INPP4B: variants seen among roughly 807,000 people sequenced by gnomAD.
The protein encoded by INPP4B is inositol polyphosphate 4-phosphatase type II.
In INPP4B, 55 loss-of-function variants were observed where a neutral mutation model predicts 122.5. The observed-to-expected ratio is 0.45, with a 90% CI of 0.36 to 0.56. The LOEUF is 0.56. Ranked by LOEUF, INPP4B falls within the 20% of genes least tolerant of loss-of-function variation. The pLI is 0.00. For synonymous variants in INPP4B, 403 were observed against 388.7 expected (o/e 1.04, Z -0.43); for missense variants, 1,000 against 1,097.7 (o/e 0.91, Z 1.26).
chr4:142,612,096 C>T (rs1742666702), intron 2 of INPP4B, among the ~76,000 whole-genome samples: 3 of 152,084 alleles, frequency 2.0e-5, no homozygotes. Context: ...ATGGTGATCA[C>T]CCCTCTTCCA....
intron 1 of INPP4B, among the ~76,000 whole-genome samples, chr4:142,762,703 T>C (rs1454005439): frequency 2.0e-5 from 3 of 152,150 alleles, no homozygotes; most frequent in Admixed American, 6.5e-5. Flanking sequence ...TGGTGTGGTG[T>C]GTGTGCCATA....
chr4:142,305,627 G>T, intron 8 of INPP4B, 90 bp from the exon 9 acceptor site: 1 of 1,514,180 alleles, frequency 6.6e-7, no homozygotes, highest in South Asian at 1.2e-5. Context: ...GTCTTTAGAA[G>T]AATGAAATAT....
intron 17 of INPP4B, among the ~76,000 whole-genome samples, chr4:142,149,112 T>C (rs938920866): frequency 6.6e-6 from 1 of 152,206 alleles, no homozygotes; most frequent in Non-Finnish European, 1.5e-5. Context: ...TATTACTACT[T>C]AGTAGCAGTT....
intron 2 of INPP4B, among the ~76,000 whole-genome samples, chr4:142,620,913 ATTGTGTTGGTGGT>A (rs1198100374): frequency 6.6e-6 from 1 of 151,866 alleles, no homozygotes; most frequent in Non-Finnish European, 1.5e-5. Flanking sequence ...CTGTATTCTG[ATTGTGTTGGTGGT>A]TATACAAGTC....
At chr4:142,300,545 A>AAATAGG (rs1760966571) in intron 9 of INPP4B, among the ~76,000 whole-genome samples, 1 of 152,188 alleles carries the variant, frequency 6.6e-6, no homozygotes, top group Non-Finnish European at 1.5e-5. Flanking sequence ...ATTTGACAAA[A>AAATAGG]AATAGGAAAT....
At chr4:142,711,085 C>G (rs1045547122) in intron 2 of INPP4B, among the ~76,000 whole-genome samples, 7 of 152,188 alleles carry the variant, frequency 4.6e-5, no homozygotes, top group Non-Finnish European at 5.9e-5. Context: ...TGTCTCTTGC[C>G]TAGATCTTTC....
chr4:142,770,302 T>TAA (rs142919493), intron 1 of INPP4B, among the ~76,000 whole-genome samples: 13,697 of 152,144 alleles, frequency 0.09, 764 homozygotes, highest in African/African-American at 0.16. Flanking sequence ...TGTATAATAT[T>TAA]GTTATATTAT....
intron 2 of INPP4B, among the ~76,000 whole-genome samples, chr4:142,491,508 T>A (rs1380714371): frequency 2.6e-5 from 4 of 151,902 alleles, no homozygotes; most frequent in Non-Finnish European, 4.4e-5. Context: ...ACAAAAAAAA[T>A]TAGCCAGACA....
intron 2 of INPP4B, among the ~76,000 whole-genome samples, chr4:142,678,026 A>C (rs973827068): frequency 6.6e-6 from 1 of 151,904 alleles, no homozygotes; most frequent in Admixed American, 6.6e-5. Flanking sequence ...GTAACTTTAA[A>C]AAAAGGTGTA....
intron 25 of INPP4B, among the ~76,000 whole-genome samples, chr4:142,067,364 G>A (rs1764115601): frequency 6.6e-6 from 1 of 152,198 alleles, no homozygotes; most frequent in East Asian, 1.9e-4. Context: ...AAACCACAAA[G>A]ATGGGGATAA....
intron 7 of INPP4B, among the ~76,000 whole-genome samples, chr4:142,364,307 C>T (rs1435183843): frequency 2.0e-5 from 3 of 151,860 alleles, no homozygotes; most frequent in African/African-American, 7.3e-5. Context: ...AGCCTCCTGA[C>T]TTTCCTTACT....
intron 15 of INPP4B, among the ~76,000 whole-genome samples, chr4:142,179,065 G>GA (rs1043609141): frequency 2.0e-5 from 3 of 151,884 alleles, no homozygotes; most frequent in African/African-American, 7.3e-5. Context: ...AAAAGAATTA[G>GA]AAAAAAACAA....
intron 15 of INPP4B, among the ~76,000 whole-genome samples, chr4:142,190,426 C>T (rs956419944): frequency 2.6e-5 from 4 of 152,072 alleles, no homozygotes; most frequent in African/African-American, 4.8e-5. Flanking sequence ...TGGCATGGTG[C>T]GATAACTCTG....
chr4:142,575,196 G>A (rs146133813), intron 2 of INPP4B, among the ~76,000 whole-genome samples: 89 of 151,642 alleles, frequency 5.9e-4, no homozygotes, highest in African/African-American at 2.0e-3. Flanking sequence ...CCATAGTGCC[G>A]TGAAATCATG....
At chr4:142,754,213 C>T (rs1487863288) in intron 1 of INPP4B, among the ~76,000 whole-genome samples, 1 of 151,948 alleles carries the variant, frequency 6.6e-6, no homozygotes, top group Non-Finnish European at 1.5e-5. Context: ...AACATAACTC[C>T]AAAATATTAT....
chr4:142,494,587 A>G (rs2149794637), intron 2 of INPP4B, among the ~76,000 whole-genome samples: 1 of 152,174 alleles, frequency 6.6e-6, no homozygotes, highest in East Asian at 1.9e-4. Context: ...GCATACATTC[A>G]TTAAATATAG....
In INPP4B at chr4:142,026,369, CT is replaced by C. The variant is rs1737002883; in HGVS notation, c.*2412del. ...TTTTAGAAGTTTGCACCAGTACAGG[CT>C]TTCTATAAGGAAATGCAGATGACTA... On this transcript the variant is annotated 3_prime_UTR_variant, in exon 26 of 26. Transcript: ENST00000262992. The C allele has an allele frequency of 6.6e-6, 1 of 152,138 alleles. No homozygotes were observed. Among genetic ancestry groups the C allele is most frequent in the Non-Finnish European group, 1.5e-5 (1 of 68,024 alleles). 9.4% of individuals were successfully genotyped at this position (152,138 alleles called of 1,614,324 possible).
intron 2 of INPP4B, among the ~76,000 whole-genome samples, chr4:142,465,304 C>T (rs1034536724): frequency 6.6e-6 from 1 of 152,066 alleles, no homozygotes; most frequent in Non-Finnish European, 1.5e-5. Context: ...TAGCAAGAAC[C>T]AGTATTTACT....
intron 5 of INPP4B, among the ~76,000 whole-genome samples, chr4:142,423,165 T>C (rs1409269367): frequency 6.6e-6 from 1 of 152,046 alleles, no homozygotes; most frequent in Non-Finnish European, 1.5e-5. Flanking sequence ...ATTGTGAACA[T>C]AGAAGATAAT....
Sources: allele counts gnomAD v4.1 joint callset (sites outside exome capture counted in the v4.1 genomes callset), GRCh38; gene constraint gnomAD v4.1.1; transcripts MANE v1.5; gene names NCBI Gene and HGNC (gene_info 2026-07-23, HGNC 2026-07-21).